Variants in LPAR1 observed in about 807,000 individuals in gnomAD.
LPAR1 encodes the protein LPA receptor 1.
Under a neutral mutation model 23.8 loss-of-function variants are expected in LPAR1, and 5 were observed. The observed-to-expected ratio is 0.21, with a 90% CI of 0.11 to 0.44. The LOEUF is 0.44. Ranked by LOEUF, LPAR1 falls within the 20% of genes least tolerant of loss-of-function variation. The pLI is 0.99. For synonymous variants in LPAR1, 160 were observed against 164.7 expected (o/e 0.97, Z 0.22); for missense variants, 311 against 482.8 (o/e 0.64, Z 3.33).
chr9:111,031,928 C>A (rs993013685), intron 2 of LPAR1, among the ~76,000 whole-genome samples: 3 of 152,248 alleles, frequency 2.0e-5, no homozygotes, highest in African/African-American at 7.2e-5. Flanking sequence ...GGAAGAATAA[C>A]AAGATACATA....
At chr9:111,027,861 T>C (rs907953210) in intron 2 of LPAR1, among the ~76,000 whole-genome samples, 3 of 88,846 alleles carry the variant, frequency 3.4e-5, no homozygotes, top group South Asian at 3.6e-4. Flanking sequence ...AACACTGAAA[T>C]ATGGGCAGAG....
At chr9:110,908,358 G>A (rs536233099) in intron 5 of LPAR1, among the ~76,000 whole-genome samples, 54 of 149,396 alleles carry the variant, frequency 3.6e-4, no homozygotes, top group African/African-American at 1.3e-3. Context: ...ATATTAAATT[G>A]ATACTAAGTT....
intron 2 of LPAR1, among the ~76,000 whole-genome samples, chr9:110,977,813 AGGGAGGGCG>A (rs796513344): frequency 0.24 from 21,829 of 92,752 alleles, 3,445 homozygotes; most frequent in African/African-American, 0.39. Context: ...GGAAGGAGGG[AGGGAGGGCG>A]GGAGGGAGGG....
chr9:111,022,474 G>C (rs893371620), intron 2 of LPAR1, among the ~76,000 whole-genome samples: 2 of 151,920 alleles, frequency 1.3e-5, no homozygotes, highest in Non-Finnish European at 2.9e-5. Context: ...TGGGGGGAAT[G>C]AACACTAAAA....
At chr9:110,953,207 G>T (rs1165801745) in intron 4 of LPAR1, among the ~76,000 whole-genome samples, 1 of 152,136 alleles carries the variant, frequency 6.6e-6, no homozygotes, top group African/African-American at 2.4e-5. Context: ...GAATCAGCCT[G>T]CCTGGACCTC....
chr9:110,978,666 T>G (rs545427384), intron 2 of LPAR1, among the ~76,000 whole-genome samples: 1 of 152,298 alleles, frequency 6.6e-6, no homozygotes, highest in Non-Finnish European at 1.5e-5. Flanking sequence ...GTCTTCTTTC[T>G]TATTATCTCT....
At chr9:111,027,049 A>C (rs1186715620) in intron 2 of LPAR1, among the ~76,000 whole-genome samples, 3 of 152,114 alleles carry the variant, frequency 2.0e-5, no homozygotes, top group Non-Finnish European at 1.5e-5. Flanking sequence ...CATAAAATGG[A>C]CTAGGGAGGA....
At chr9:110,920,221 G>T (rs903230355) in intron 5 of LPAR1, among the ~76,000 whole-genome samples, 1 of 152,152 alleles carries the variant, frequency 6.6e-6, no homozygotes, top group Non-Finnish European at 1.5e-5. Flanking sequence ...GAAGGTTTAG[G>T]CATCTGAATA....
chr9:111,021,139 TG>T (rs1466612040), intron 2 of LPAR1, among the ~76,000 whole-genome samples: 1 of 152,124 alleles, frequency 6.6e-6, no homozygotes, highest in Non-Finnish European at 1.5e-5. Context: ...GCTGAGTTGA[TG>T]GGGGAAAGGG....
chr9:110,900,884 T>C (rs556458001), intron 5 of LPAR1, among the ~76,000 whole-genome samples: 1 of 152,378 alleles, frequency 6.6e-6, no homozygotes, highest in East Asian at 1.9e-4. Context: ...CTGTGTTTTT[T>C]AGATTTTTGC....
chr9:110,914,150 C>T (rs375092304), intron 5 of LPAR1, among the ~76,000 whole-genome samples: 10 of 152,292 alleles, frequency 6.6e-5, no homozygotes, highest in African/African-American at 2.4e-4. Context: ...AATCCTGTTT[C>T]CCTTTGTCTT....
At chr9:110,931,334 ATC>A (rs2094402995) in intron 5 of LPAR1, among the ~76,000 whole-genome samples, 1 of 152,216 alleles carries the variant, frequency 6.6e-6, no homozygotes, top group Non-Finnish European at 1.5e-5. Flanking sequence ...TATTTAAATT[ATC>A]TGTCATTATC....
intron 5 of LPAR1, among the ~76,000 whole-genome samples, chr9:110,902,002 C>A (rs1370955666): frequency 2.0e-5 from 3 of 152,018 alleles, no homozygotes; most frequent in African/African-American, 7.2e-5. Flanking sequence ...TAAATATAAA[C>A]CCTAGAAAAA....
chr9:110,895,400 T>C (rs543128161), intron 5 of LPAR1, among the ~76,000 whole-genome samples: 1 of 152,316 alleles, frequency 6.6e-6, no homozygotes, highest in East Asian at 1.9e-4. Context: ...GCCTGGCCAC[T>C]AGGCTGGGTG....
chr9:110,950,520 A>G lies in LPAR1; in HGVS notation c.46-8352T>C, dbSNP rs115620091. ...TAAAAAACCTTATTTTTAACCACACATAATATAATCAGTTACACAGAAAAT... is the reference window on the plus strand; with the variant it reads ...TAAAAAACCTTATTTTTAACCACACGTAATATAATCAGTTACACAGAAAAT... On this transcript the variant is annotated intron_variant, in intron 4 of 5. Transcript: ENST00000683809. Among the ~76,000 whole-genome samples, 1,272 of 152,084 alleles carry G rather than the reference A, an allele frequency of 8.4e-3. 22 individuals carry two copies. Among genetic ancestry groups the G allele is most frequent in the African/African-American group, 0.029 (1,200 of 41,486 alleles).
intron 2 of LPAR1, among the ~76,000 whole-genome samples, chr9:110,997,262 A>G (rs139713970): frequency 1.3e-5 from 2 of 152,270 alleles, no homozygotes; most frequent in African/African-American, 4.8e-5. Context: ...CTACTTCCAA[A>G]TAAGTTTCAG....
chr9:111,018,834 T>G (rs527993492), intron 2 of LPAR1, among the ~76,000 whole-genome samples: 4 of 152,318 alleles, frequency 2.6e-5, no homozygotes, highest in Non-Finnish European at 5.9e-5. Flanking sequence ...AGTACAATAC[T>G]TTTTAAAACA....
chr9:111,022,006 A>C (rs2097570090), intron 2 of LPAR1, among the ~76,000 whole-genome samples: 1 of 150,612 alleles, frequency 6.6e-6, no homozygotes, highest in African/African-American at 2.4e-5. Context: ...AGAGAATTCT[A>C]ATCTTTACCC....
intron 2 of LPAR1, among the ~76,000 whole-genome samples, chr9:111,003,983 C>T (rs568812405): frequency 5.9e-5 from 9 of 152,270 alleles, no homozygotes; most frequent in African/African-American, 2.2e-4. Context: ...GTCAAAGTCA[C>T]ATTAACTATT....
Sources: gnomAD v4.1 joint callset for allele counts (sites outside exome capture counted in the v4.1 genomes callset) on GRCh38, gnomAD v4.1.1 for gene constraint, MANE v1.5 for transcripts, NCBI Gene and HGNC (gene_info 2026-07-23, HGNC 2026-07-21) for gene names.